Variants in PTPRD observed in about 807,000 individuals in gnomAD.
PTPRD encodes the protein receptor-type tyrosine-protein phosphatase delta.
A neutral mutation model predicts 214.5 loss-of-function variants in PTPRD; 34 were observed. The observed-to-expected ratio is 0.16, with a 90% CI of 0.12 to 0.21. PTPRD has a LOEUF of 0.21. PTPRD is among the 10% of genes least tolerant of loss of function. The probability of loss-of-function intolerance (pLI) is 1.00; values close to 1 mark genes in which losing one functional copy is unlikely to be tolerated. For synonymous variants in PTPRD, 1,128 were observed against 845.7 expected (o/e 1.33, Z -5.79); for missense variants, 2,545 against 2,398.7 (o/e 1.06, Z -1.27).
chr9:9,478,204 GTCTT>G (rs1162864816), intron 8 of PTPRD, among the ~76,000 whole-genome samples: 1 of 152,040 alleles, frequency 6.6e-6, no homozygotes, highest in African/African-American at 2.4e-5. Flanking sequence ...TTGTGCCCGG[GTCTT>G]TCTAATACTT....
intron 10 of PTPRD, among the ~76,000 whole-genome samples, chr9:9,121,839 G>A (rs535844756): frequency 2.2e-4 from 34 of 151,964 alleles, no homozygotes; most frequent in African/African-American, 7.5e-4. Flanking sequence ...ATAAAATAAA[G>A]AAAATCTCCA....
intron 9 of PTPRD, among the ~76,000 whole-genome samples, chr9:9,275,150 ATAT>A (rs1349352811): frequency 6.8e-4 from 44 of 64,800 alleles, no homozygotes; most frequent in African/African-American, 3.0e-3. Flanking sequence ...TATATATAAT[ATAT>A]TATATATATA....
chr9:10,409,406 A>G (rs2098411112), intron 2 of PTPRD, among the ~76,000 whole-genome samples: 3 of 151,880 alleles, frequency 2.0e-5, no homozygotes, highest in South Asian at 4.1e-4. Flanking sequence ...TGGTCATACT[A>G]ATCACCCTAA....
intron 10 of PTPRD, among the ~76,000 whole-genome samples, chr9:9,176,226 T>C (rs548199089): frequency 5.9e-5 from 9 of 152,294 alleles, no homozygotes; most frequent in African/African-American, 2.2e-4. Context: ...CCACCTATAA[T>C]TGAATGTGAT....
At chr9:8,670,988 C>G (rs571765800) in intron 12 of PTPRD, among the ~76,000 whole-genome samples, 2 of 152,196 alleles carry the variant, frequency 1.3e-5, no homozygotes, top group South Asian at 4.2e-4. Flanking sequence ...ACAAACACAG[C>G]CTGTGTGTGT....
intron 11 of PTPRD, among the ~76,000 whole-genome samples, chr9:8,923,752 T>C (rs2098844399): frequency 2.0e-5 from 3 of 152,202 alleles, no homozygotes; most frequent in Admixed American, 2.0e-4. Flanking sequence ...AAACACATGC[T>C]ACCTACCAAA....
In PTPRD at chr9:9,042,614, C is replaced by CTTTTTTTTTTTTTTTTTTTTTTTTTTTT. The variant is rs775574124; in HGVS notation, c.-142-23880_-142-23879insAAAAAAAAAAAAAAAAAAAAAAAAAAAA. On this transcript the variant is annotated intron_variant, in intron 10 of 45. Transcript: ENST00000381196. ...CCACTTAGCATTTTTTCTTTTTTTT[C>CTTTTTTTTTTTTTTTTTTTTTTTTTTTT]TTTTCTTTTTTTTTTTTTTTGGTCT... 2.7e-5 allele frequency among the ~76,000 whole-genome samples: 3 copies of CTTTTTTTTTTTTTTTTTTTTTTTTTTTT among 112,474 alleles called. 1 individual carries two copies. The allele number at this position is 112,474 out of a possible 152,430, so 73.8% of individuals were successfully genotyped here. A position where few individuals can be genotyped will look rare whatever the true frequency, so the allele number is the denominator to read the frequency against.
chr9:8,412,790 C>A (rs913742176), intron 35 of PTPRD, among the ~76,000 whole-genome samples: 17 of 152,140 alleles, frequency 1.1e-4, no homozygotes, highest in East Asian at 1.9e-4. Flanking sequence ...CTCCTACTTA[C>A]TATATAACAT....
chr9:9,947,564 T>A (rs374918929), intron 4 of PTPRD, among the ~76,000 whole-genome samples: 12 of 34,266 alleles, frequency 3.5e-4, no homozygotes, highest in South Asian at 2.2e-3. Flanking sequence ...TATATATATT[T>A]TATATATATA....
At chr9:8,915,389 A>G (rs762428208) in intron 11 of PTPRD, among the ~76,000 whole-genome samples, 2 of 152,212 alleles carry the variant, frequency 1.3e-5, no homozygotes, top group Non-Finnish European at 2.9e-5. Flanking sequence ...GTGATTTACA[A>G]CAAGAGGCAT....
intron 9 of PTPRD, among the ~76,000 whole-genome samples, chr9:9,242,123 T>C (rs886917190): frequency 4.6e-5 from 7 of 152,270 alleles, no homozygotes; most frequent in East Asian, 1.9e-4. Context: ...TGGCTGGATA[T>C]GAAATTCTGG....
chr9:8,787,002 A>T (rs1356267458), intron 11 of PTPRD, among the ~76,000 whole-genome samples: 1 of 151,950 alleles, frequency 6.6e-6, no homozygotes, highest in Admixed American at 6.6e-5. Flanking sequence ...ACGCCCAGCT[A>T]ATATTTTCTT....
intron 11 of PTPRD, among the ~76,000 whole-genome samples, chr9:8,809,456 C>T (rs1273306236): frequency 2.0e-5 from 3 of 152,156 alleles, no homozygotes; most frequent in Admixed American, 6.6e-5. Context: ...CAATAACCAA[C>T]GTCTTTCCAT....
intron 2 of PTPRD, among the ~76,000 whole-genome samples, chr9:10,353,839 G>A (rs2097222253): frequency 1.3e-5 from 2 of 151,746 alleles, no homozygotes. Context: ...TTTTTTCCAT[G>A]TTGCTTTGGA....
At chr9:10,202,308 C>G (rs73641883) in intron 3 of PTPRD, among the ~76,000 whole-genome samples, 3 of 151,782 alleles carry the variant, frequency 2.0e-5, no homozygotes, top group South Asian at 4.1e-4. Context: ...GGAGCCCCCC[C>G]ACAACCAGGA....
At chr9:9,362,143 C>A (rs1294478726) in intron 9 of PTPRD, among the ~76,000 whole-genome samples, 1 of 150,950 alleles carries the variant, frequency 6.6e-6, no homozygotes, top group African/African-American at 2.4e-5. Context: ...TATCACAAGT[C>A]AGTAACACAG....
At chr9:9,553,812 T>C (rs977576605) in intron 8 of PTPRD, among the ~76,000 whole-genome samples, 3 of 152,028 alleles carry the variant, frequency 2.0e-5, no homozygotes, top group Non-Finnish European at 4.4e-5. Context: ...AATAATTACA[T>C]TTAGACTAAG....
chr9:9,808,708 T>A (rs1378500868), intron 5 of PTPRD, among the ~76,000 whole-genome samples: 1 of 152,162 alleles, frequency 6.6e-6, no homozygotes, highest in East Asian at 1.9e-4. Context: ...TTATTTACTA[T>A]CCACTCTAAA....
intron 8 of PTPRD, among the ~76,000 whole-genome samples, chr9:9,528,946 T>C (rs151087201): frequency 6.7e-6 from 1 of 150,210 alleles, no homozygotes; most frequent in Non-Finnish European, 1.5e-5. Context: ...TTCTTTTTTT[T>C]TTTTTTTTTT....
Sources: gnomAD v4.1 joint callset for allele counts (sites outside exome capture counted in the v4.1 genomes callset) on GRCh38, gnomAD v4.1.1 for gene constraint, MANE v1.5 for transcripts, NCBI Gene and HGNC (gene_info 2026-07-23, HGNC 2026-07-21) for gene names.